Variants in NBAS observed in about 807,000 individuals in gnomAD.
NBAS encodes the protein NAG/BC035112 fusion.
NBAS carries 219 observed loss-of-function variants against 302.5 expected under a neutral mutation model. That is an observed-to-expected ratio of 0.72 (90% CI 0.65 to 0.81). The LOEUF is 0.81. NBAS is among the 30% of genes least tolerant of loss of function. NBAS has a pLI of 0.00. For missense variants in NBAS, 2,932 were observed against 2,841.6 expected (o/e 1.03, Z -0.72); for synonymous variants, 1,118 against 1,021.6 (o/e 1.09, Z -1.80).
the NBAS span, among the ~76,000 whole-genome samples, chr2:14,949,667 G>C: frequency 6.6e-6 from 1 of 152,130 alleles, no homozygotes; most frequent in Non-Finnish European, 1.5e-5. Flanking sequence ...ACATATATGT[G>C]TGTATAGATA....
chr2:15,410,985 C>G (rs942228711), intron 25 of NBAS, among the ~76,000 whole-genome samples: 6 of 152,168 alleles, frequency 3.9e-5, no homozygotes, highest in African/African-American at 1.4e-4. Flanking sequence ...AACACGTTCT[C>G]CCTCTGCGGA....
At chr2:14,904,332 C>T in the NBAS span, among the ~76,000 whole-genome samples, 1 of 152,194 alleles carries the variant, frequency 6.6e-6, no homozygotes, top group African/African-American at 2.4e-5. Context: ...GACAGTGCAG[C>T]CTTCAGTCTG....
At chr2:15,006,768 C>T in the NBAS span, among the ~76,000 whole-genome samples, 2 of 152,190 alleles carry the variant, frequency 1.3e-5, no homozygotes, top group East Asian at 3.8e-4. Context: ...AAGAAGCCAA[C>T]TGGTTATGCA....
At chr2:15,558,552 T>C (rs1158988558) in intron 2 of NBAS, 28 bp downstream of exon 2, 5 of 1,591,570 alleles carry the variant, frequency 3.1e-6, no homozygotes, top group Admixed American at 1.7e-5. Flanking sequence ...AACCATATCA[T>C]TACTGTAGAG....
chr2:15,017,829 CAA>C, the NBAS span, among the ~76,000 whole-genome samples: 5 of 152,020 alleles, frequency 3.3e-5, no homozygotes, highest in African/African-American at 1.2e-4. Context: ...ATCAGTATAT[CAA>C]AGAGACATCT....
chr2:15,108,404 C>T, the NBAS span, among the ~76,000 whole-genome samples: 2 of 152,110 alleles, frequency 1.3e-5, no homozygotes, highest in African/African-American at 4.8e-5. Flanking sequence ...GGATATAAAC[C>T]CAAGTCTCTC....
In NBAS at chr2:15,285,174, T is replaced by C. The variant is rs1221976516; in HGVS notation, c.5138+1899A>G. Among the ~76,000 whole-genome samples the C allele has an allele frequency of 2.6e-5, 4 of 152,230 alleles. No homozygotes were observed. The South Asian group carries it at 6.2e-4, about 24-fold the overall frequency. ...GCAATATTTATCACAGATCACACTA[T>C]CTTCCATGTAGCAATTTAATAAATA... On this transcript the variant is annotated intron_variant, in intron 42 of 51. Transcript: ENST00000281513.
chr2:15,125,438 C>G, the NBAS span, among the ~76,000 whole-genome samples: 1 of 152,112 alleles, frequency 6.6e-6, no homozygotes, highest in East Asian at 1.9e-4. Context: ...CTCACTATCA[C>G]GAGGACAGTG....
the NBAS span, among the ~76,000 whole-genome samples, chr2:15,012,798 G>T: frequency 6.6e-6 from 1 of 151,610 alleles, no homozygotes; most frequent in Non-Finnish European, 1.5e-5. Context: ...ATTATTACCC[G>T]CAAAACTACC....
At chr2:15,409,059 T>C (rs1273842071) in intron 25 of NBAS, among the ~76,000 whole-genome samples, 1 of 152,188 alleles carries the variant, frequency 6.6e-6, no homozygotes, top group African/African-American at 2.4e-5. Context: ...TCATTAACTA[T>C]TAGGTTGACT....
intron 21 of NBAS, among the ~76,000 whole-genome samples, chr2:15,445,447 T>C (rs1433017503): frequency 2.1e-5 from 3 of 142,416 alleles, no homozygotes; most frequent in South Asian, 2.3e-4. Flanking sequence ...TAGGTGGGAA[T>C]TGAACAATGA....
chr2:15,456,851 A>C (rs921517440), intron 21 of NBAS, among the ~76,000 whole-genome samples: 5 of 152,104 alleles, frequency 3.3e-5, no homozygotes, highest in Non-Finnish European at 5.9e-5. Flanking sequence ...AAGGAAGATC[A>C]GATAAAGTAG....
chr2:15,274,720 T>C (rs1026725465), intron 44 of NBAS, among the ~76,000 whole-genome samples: 1 of 152,136 alleles, frequency 6.6e-6, no homozygotes, highest in Non-Finnish European at 1.5e-5. Context: ...AATAATTCTA[T>C]CACCAAGATA....
chr2:15,463,461 T>C (rs1166573026), intron 19 of NBAS, among the ~76,000 whole-genome samples: 1 of 152,104 alleles, frequency 6.6e-6, no homozygotes, highest in African/African-American at 2.4e-5. Flanking sequence ...GCATACTAAG[T>C]GGTATTTTAA....
the NBAS span, among the ~76,000 whole-genome samples, chr2:14,917,470 C>T: frequency 1.2e-4 from 19 of 152,300 alleles, no homozygotes; most frequent in African/African-American, 2.9e-4. Context: ...AACCTAATCA[C>T]GGAAGTGCCA....
At chr2:14,845,880 A>G in the NBAS span, among the ~76,000 whole-genome samples, 1 of 151,976 alleles carries the variant, frequency 6.6e-6, no homozygotes, top group Non-Finnish European at 1.5e-5. Flanking sequence ...AAGAAAAAAG[A>G]ATAAAAAACA....
At chr2:14,940,026 C>T in the NBAS span, among the ~76,000 whole-genome samples, 1 of 152,172 alleles carries the variant, frequency 6.6e-6, no homozygotes, top group African/African-American at 2.4e-5. Flanking sequence ...CAGATGAAAT[C>T]TTACACACCC....
At chr2:14,981,153 C>T in the NBAS span, among the ~76,000 whole-genome samples, 35 of 151,972 alleles carry the variant, frequency 2.3e-4, no homozygotes, top group Admixed American at 2.0e-3. Flanking sequence ...CTGTAAGGGC[C>T]CACCAAGTGA....
chr2:15,012,612 T>C, the NBAS span, among the ~76,000 whole-genome samples: 1 of 152,114 alleles, frequency 6.6e-6, no homozygotes, highest in African/African-American at 2.4e-5. Flanking sequence ...GATAGTCAAA[T>C]TGTCAAAAAT....
Sources: allele counts gnomAD v4.1 joint callset (sites outside exome capture counted in the v4.1 genomes callset), GRCh38; gene constraint gnomAD v4.1.1; transcripts MANE v1.5; gene names NCBI Gene and HGNC (gene_info 2026-07-23, HGNC 2026-07-21).